TNRC18: variants seen among roughly 807,000 people sequenced by gnomAD.
The protein encoded by TNRC18 is trinucleotide repeat containing 18.
In TNRC18, 69 loss-of-function variants were observed where a neutral mutation model predicts 226.7. The observed-to-expected ratio is 0.30, with a 90% CI of 0.25 to 0.37. The LOEUF is 0.37. TNRC18 is among the 10% of genes least tolerant of loss of function. The probability of loss-of-function intolerance (pLI) is 1.00; values close to 1 mark genes in which losing one functional copy is unlikely to be tolerated. For synonymous variants in TNRC18, 2,449 were observed against 1,927.6 expected, an observed-to-expected ratio of 1.27 and a Z score of -7.09; for missense variants, 4,754 against 4,256.6, an observed-to-expected ratio of 1.12 and a Z score of -3.25.
At chr7:5,334,519 G>C (rs181045086) in intron 18 of TNRC18, among the ~76,000 whole-genome samples, 1 of 149,876 alleles carries the variant, frequency 6.7e-6, no homozygotes, top group African/African-American at 2.5e-5. Flanking sequence ...GGCTGGTCTC[G>C]AACTCCTGAC....
intron 5 of TNRC18, among the ~76,000 whole-genome samples, chr7:5,386,702 A>G (rs1243133414): frequency 6.6e-6 from 1 of 152,090 alleles, no homozygotes; most frequent in Non-Finnish European, 1.5e-5. Flanking sequence ...GTAAGCTATG[A>G]TCACACCACT....
intron 14 of TNRC18, among the ~76,000 whole-genome samples, chr7:5,359,955 G>A (rs1011705390): frequency 3.3e-5 from 5 of 151,838 alleles, no homozygotes; most frequent in East Asian, 3.9e-4. Context: ...AAGTTTACAC[G>A]AAGAAGGATT....
chr7:5,329,821 C>A (rs559455942), intron 19 of TNRC18: 2 of 437,972 alleles, frequency 4.6e-6, no homozygotes, highest in East Asian at 7.1e-5. Context: ...GACTACATTG[C>A]CTCTTTGGGC....
intron 21 of TNRC18, among the ~76,000 whole-genome samples, chr7:5,323,795 T>C (rs536522448): frequency 6.6e-6 from 1 of 152,252 alleles, no homozygotes; most frequent in Admixed American, 6.5e-5. Context: ...CTGGAACTCC[T>C]GACCTCAGGT....
chr7:5,342,032 G>T (rs999507711), intron 18 of TNRC18, among the ~76,000 whole-genome samples: 1 of 152,194 alleles, frequency 6.6e-6, no homozygotes, highest in East Asian at 1.9e-4. Flanking sequence ...TGAATTTCAA[G>T]TCTCGTTATT....
chr7:5,375,935 C>T, intron 9 of TNRC18, 99 bp downstream of exon 9: 1 of 1,243,230 alleles, frequency 8.0e-7, no homozygotes. Context: ...CTGTTTTCTC[C>T]CTCCCTGTAA....
At chr7:5,386,834 G>C (rs1779825687) in intron 5 of TNRC18, among the ~76,000 whole-genome samples, 2 of 152,128 alleles carry the variant, frequency 1.3e-5, no homozygotes, top group African/African-American at 2.4e-5. Context: ...CAGCACTTTG[G>C]AAGGCTGAGA....
At chr7:5,344,363 C>G (rs79576787) in intron 18 of TNRC18, among the ~76,000 whole-genome samples, 1 of 152,160 alleles carries the variant, frequency 6.6e-6, no homozygotes, top group Non-Finnish European at 1.5e-5. Flanking sequence ...CCAGCTGCTT[C>G]TGTATGAACA....
At chr7:5,361,443 G>A in intron 14 of TNRC18, 151 bp downstream of exon 14, 1 of 966,082 alleles carries the variant, frequency 1.0e-6, no homozygotes, top group Non-Finnish European at 1.4e-6. Context: ...GGGCAGCACA[G>A]GCCGTGCTCC....
At chr7:5,367,756 C>T (rs1451967313) in intron 11 of TNRC18, among the ~76,000 whole-genome samples, 3 of 148,856 alleles carry the variant, frequency 2.0e-5, no homozygotes, top group Non-Finnish European at 3.0e-5. Context: ...TTTCTTCTAC[C>T]CAAAAAAAAA....
Position 5,370,486 on chromosome 7 carries a change from T to G in TNRC18, c.4108A>C (p.Lys1370Gln). The G allele has an allele frequency of 6.3e-7, 1 of 1,589,640 alleles. No individual in the cohort carries two copies. Among genetic ancestry groups the G allele is most frequent in the Non-Finnish European group, 8.6e-7 (1 of 1,168,096 alleles). The change falls in exon 11 of 30, where the codon AAG (lysine) becomes CAG (glutamine). Residue 1370 changes from lysine (K) to glutamine (Q), a missense_variant. Coordinates refer to ENST00000430969, the MANE Select transcript of TNRC18 (RefSeq NM_001080495.3). ...ACAAGGCTCTCGGCTGCTTCCAGCTTCTCCAAGGCCTGGGCTCCAGCAGCA... is the reference window on the plus strand; with the variant it reads ...ACAAGGCTCTCGGCTGCTTCCAGCTGCTCCAAGGCCTGGGCTCCAGCAGCA... The part of the protein sequence containing the change: ...PGAAGAQALE[K>Q]LEAAESLVLE...
At chr7:5,363,369 G>A (rs1001576810) in intron 11 of TNRC18, among the ~76,000 whole-genome samples, 11 of 152,024 alleles carry the variant, frequency 7.2e-5, no homozygotes, top group African/African-American at 2.2e-4. Flanking sequence ...TTGGGAGGCC[G>A]AGGCGGGCAG....
At chr7:5,383,598 G>A (rs1239916033) in intron 5 of TNRC18, among the ~76,000 whole-genome samples, 2 of 152,142 alleles carry the variant, frequency 1.3e-5, no homozygotes, top group Non-Finnish European at 2.9e-5. Context: ...GCAAGAGACT[G>A]GGGCGAGAAC....
intron 11 of TNRC18, among the ~76,000 whole-genome samples, chr7:5,369,302 T>C (rs1325144550): frequency 6.6e-6 from 1 of 152,040 alleles, no homozygotes; most frequent in Non-Finnish European, 1.5e-5. Flanking sequence ...TGAGCCGAGA[T>C]GACACCACTG....
At chr7:5,392,924 A>G (rs1246973355) in intron 3 of TNRC18, among the ~76,000 whole-genome samples, 2 of 152,054 alleles carry the variant, frequency 1.3e-5, no homozygotes, top group Non-Finnish European at 2.9e-5. Context: ...AGGTGGGAGA[A>G]TGGCTTGAGC....
intron 2 of TNRC18, chr7:5,419,981 G>C (rs1042476315): frequency 6.1e-6 from 1 of 164,820 alleles, no homozygotes. Context: ...ACAGGAGGTG[G>C]ATTTTTTTTT....
chr7:5,388,779 G>C lies in TNRC18; in HGVS notation c.1045C>G (p.Pro349Ala). The C allele has an allele frequency of 8.2e-7, 1 of 1,222,212 alleles. No individual in the cohort carries two copies. The highest frequency in any genetic ancestry group is 1.0e-6 in the Non-Finnish European group (1 of 979,618). The allele number at this position is 1,222,212 out of a possible 1,614,324, so 75.7% of individuals were successfully genotyped here. A position where few individuals can be genotyped will look rare whatever the true frequency, so the allele number is the denominator to read the frequency against. ...PAPPKGPPAP[P>A]AATPAGVYTV... Reference sequence around the variant, plus strand: ...TAGACGCCGGCGGGGGTGGCCGCGGGGGGTGCAGGAGGCCCCTTGGGGGGC... The same window carrying C: ...TAGACGCCGGCGGGGGTGGCCGCGGCGGGTGCAGGAGGCCCCTTGGGGGGC... The change falls in exon 5 of 30, where the codon CCC (proline) becomes GCC (alanine). Residue 349 changes from proline (P) to alanine (A), a missense_variant. Pro to Ala is a conservative substitution (Grantham distance 27, BLOSUM62 -1). Coordinates refer to ENST00000430969, the MANE Select transcript of TNRC18 (RefSeq NM_001080495.3).
At position 5,324,457 on chromosome 7, in the gene TNRC18, G is replaced by C. The variant is rs1041462008; in HGVS notation, c.6301-102C>G. 10 of 1,481,810 alleles carry C rather than the reference G, an allele frequency of 6.7e-6. No homozygotes were observed. In the Admixed American group the frequency reaches 1.6e-4, roughly 24 times the overall value. The allele number at this position is 1,481,810 out of a possible 1,614,324, so 91.8% of individuals were successfully genotyped here. A position where few individuals can be genotyped will look rare whatever the true frequency, so the allele number is the denominator to read the frequency against. ...ACCTGGAGCCACAGTCAGGCCGCAG[G>C]GGGAATCTGTCATGTGCATGGCAGG... On this transcript the variant is annotated intron_variant, in intron 20 of 29. Transcript: ENST00000430969. This position sits in a 1 kb window ranked among gnomAD's most constrained non-coding sequence, Gnocchi z 4.8.
intron 19 of TNRC18, among the ~76,000 whole-genome samples, chr7:5,328,349 C>T (rs1245503462): frequency 1.3e-5 from 2 of 152,074 alleles, no homozygotes; most frequent in African/African-American, 4.8e-5. Flanking sequence ...ATAAGGAGAC[C>T]CCACCCCATC....
Sources: allele counts gnomAD v4.1 joint callset (sites outside exome capture counted in the v4.1 genomes callset), GRCh38; gene constraint gnomAD v4.1.1; non-coding constraint Gnocchi (gnomAD v3.1); transcripts MANE v1.5; gene names NCBI Gene and HGNC (gene_info 2026-07-23, HGNC 2026-07-21).